Variants in NCK1 observed in about 807,000 individuals in gnomAD.
NCK1 encodes the protein SH2/SH3 adapter protein NCK1.
A neutral mutation model predicts 36.6 loss-of-function variants in NCK1; 19 were observed. The observed-to-expected ratio is 0.52, with a 90% CI of 0.36 to 0.76. The LOEUF is 0.76. Among genes scored for constraint, NCK1 ranks in the 30% least tolerant of loss-of-function variants. The pLI, the probability that NCK1 is intolerant of heterozygous loss-of-function variation, is 0.00. For missense variants in NCK1, 358 were observed against 445.6 expected (o/e 0.80, Z 1.77); for synonymous variants, 165 against 156.0 (o/e 1.06, Z -0.43).
At chr3:136,877,924 C>T (rs763191799) in intron 1 of NCK1, among the ~76,000 whole-genome samples, 46 of 152,162 alleles carry the variant, frequency 3.0e-4, no homozygotes, top group Non-Finnish European at 6.0e-4. Context: ...ACTCAGATGT[C>T]CATCAGCTGA....
chr3:136,868,107 G>A (rs1315718188), intron 1 of NCK1, among the ~76,000 whole-genome samples: 1 of 151,726 alleles, frequency 6.6e-6, no homozygotes, highest in Admixed American at 6.6e-5. Context: ...AGTAGAGATG[G>A]GTTTCACCAT....
chr3:136,930,560 A>C (rs893503068), intron 2 of NCK1: 4 of 1,476,180 alleles, frequency 2.7e-6, no homozygotes, highest in Non-Finnish European at 3.6e-6. Flanking sequence ...TTTTACTCAA[A>C]ATGGATTGGT....
intron 1 of NCK1, among the ~76,000 whole-genome samples, chr3:136,892,028 A>G (rs1343784439): frequency 1.3e-5 from 2 of 152,164 alleles, no homozygotes; most frequent in African/African-American, 4.8e-5. Flanking sequence ...AGCTAGGACT[A>G]TAGGTGCATG....
Position 136,950,602 on chromosome 3 carries a change from A to G in NCK1, c.*2149A>G, listed in dbSNP as rs73864644. Among the ~76,000 whole-genome samples, 1,292 of 152,246 alleles carry G rather than the reference A, an allele frequency of 8.5e-3. 22 individuals are homozygous for G. Among genetic ancestry groups the G allele is most frequent in the African/African-American group, 0.03 (1,246 of 41,554 alleles). ...GACTGTTTTTATAATACTTGAAGTAACTTTAAGAACTGAAACAACCCTGGA... is the reference window on the plus strand; with the variant it reads ...GACTGTTTTTATAATACTTGAAGTAGCTTTAAGAACTGAAACAACCCTGGA... On this transcript the variant is annotated 3_prime_UTR_variant, in exon 4 of 4. Transcript: ENST00000481752.
chr3:136,917,824 G>A (rs1464451071), intron 1 of NCK1, among the ~76,000 whole-genome samples: 2 of 152,134 alleles, frequency 1.3e-5, no homozygotes, highest in African/African-American at 2.4e-5. Context: ...CAGAACCTTC[G>A]CAATGGATGA....
intron 1 of NCK1, among the ~76,000 whole-genome samples, chr3:136,885,479 A>G (rs568816384): frequency 6.6e-6 from 1 of 151,922 alleles, no homozygotes; most frequent in Non-Finnish European, 1.5e-5. Flanking sequence ...TAATTTTTGA[A>G]TTTTTTGTAG....
intron 1 of NCK1, among the ~76,000 whole-genome samples, chr3:136,901,407 G>C (rs1576964226): frequency 6.6e-6 from 1 of 150,592 alleles, no homozygotes; most frequent in Non-Finnish European, 1.5e-5. Context: ...GTCTGGTTTT[G>C]GTGTTAAGGT....
chr3:136,894,139 C>T (rs551782821), intron 1 of NCK1, among the ~76,000 whole-genome samples: 2 of 152,300 alleles, frequency 1.3e-5, no homozygotes, highest in Admixed American at 1.3e-4. Context: ...CCTGCTCGTT[C>T]ATCAGTATGA....
chr3:136,879,646 G>A (rs1175862129), intron 1 of NCK1, among the ~76,000 whole-genome samples: 1 of 152,144 alleles, frequency 6.6e-6, no homozygotes, highest in Non-Finnish European at 1.5e-5. Flanking sequence ...TAAAGAAAAT[G>A]TGGCACATGT....
Position 136,913,413 on chromosome 3 carries a change from T to C in NCK1, c.-18-14571T>C, listed in dbSNP as rs142043199. Among the ~76,000 whole-genome samples, 995 of 151,874 alleles carry C rather than the reference T, an allele frequency of 6.6e-3. 16 individuals are homozygous for C. The highest frequency in any genetic ancestry group is 0.023 in the African/African-American group (967 of 41,418). On this transcript the variant is annotated intron_variant, in intron 1 of 3. Coordinates refer to ENST00000481752, the MANE Select transcript of NCK1 (RefSeq NM_001291999.2). ...CTTCCTGAGGAGCTGGGACTGCAAG[T>C]GTGCACCACTATGCCTGCCTAATGT... is the stretch of plus-strand genomic sequence containing the variant.
chr3:136,918,521 T>C (rs1419281697), intron 1 of NCK1, among the ~76,000 whole-genome samples: 2 of 152,192 alleles, frequency 1.3e-5, no homozygotes, highest in Non-Finnish European at 2.9e-5. Flanking sequence ...CTTGAGCATC[T>C]CTGGATTTTG....
chr3:136,864,968 T>G (rs1161803754), intron 1 of NCK1, among the ~76,000 whole-genome samples: 1 of 150,580 alleles, frequency 6.6e-6, no homozygotes, highest in African/African-American at 2.4e-5. Flanking sequence ...TTTGTTTGTT[T>G]TTTTTTTTGA....
At chr3:136,863,124 T>C (rs1362024933) in intron 1 of NCK1, among the ~76,000 whole-genome samples, 2 of 152,114 alleles carry the variant, frequency 1.3e-5, no homozygotes, top group Non-Finnish European at 2.9e-5. Context: ...GGTGTCAAAC[T>C]GATGGACCCG....
At chr3:136,890,646 A>G (rs1297248021) in intron 1 of NCK1, among the ~76,000 whole-genome samples, 3 of 152,220 alleles carry the variant, frequency 2.0e-5, no homozygotes, top group Non-Finnish European at 1.5e-5. Flanking sequence ...GTTTACAGGC[A>G]TTTGAGTTTT....
At chr3:136,935,141 T>C (rs968158633) in intron 2 of NCK1, among the ~76,000 whole-genome samples, 2 of 152,190 alleles carry the variant, frequency 1.3e-5, no homozygotes, top group Non-Finnish European at 2.9e-5. Context: ...CCTCAGGTGA[T>C]CTGCCTGCCT....
At position 136,947,430 on chromosome 3, in the gene NCK1, A is replaced by G. The variant is rs568945187; in HGVS notation, c.940-829A>G. On this transcript the variant is annotated intron_variant, in intron 3 of 3. Coordinates refer to ENST00000481752, the MANE Select transcript of NCK1 (RefSeq NM_001291999.2). ...AGATATTAGACAAAATGCAATATAT[A>G]CCATTATTTTTAGCAGTATACTTTT... Among the ~76,000 whole-genome samples the G allele has an allele frequency of 9.9e-5, 15 of 152,270 alleles. No homozygotes were observed. The East Asian group carries it at 2.9e-3, about 29-fold the overall frequency.
Position 136,948,262 on chromosome 3 carries a change from A to G in NCK1, c.943A>G (p.Asn315Asp), listed in dbSNP as rs769014288. Reference protein sequence around the residue: ...FLIRDSESSPNDFSVSLKAQG... With the variant: ...FLIRDSESSPDDFSVSLKAQG... ...GTATCTTTTTTTTCTCTTTTAGCCA[A>G]ATGATTTCTCAGTATCACTAAAAGC... The change falls in exon 4 of 4, where the codon AAT becomes GAT. Residue 315 changes from asparagine to aspartate, a missense_variant. By Grantham distance (23) the Asn-to-Asp change is conservative. Transcript: ENST00000481752. 5.3e-5 allele frequency: 84 copies of G among 1,585,344 alleles called. 1 individual carries two copies. Among genetic ancestry groups the G allele is most frequent in the Middle Eastern group, 5.0e-4 (3 of 5,942 alleles).
At chr3:136,911,645 A>G (rs889152436) in intron 1 of NCK1, among the ~76,000 whole-genome samples, 3 of 152,108 alleles carry the variant, frequency 2.0e-5, no homozygotes, top group African/African-American at 7.2e-5. Context: ...ACCCCTTATC[A>G]GTTGTATGGT....
At chr3:136,935,907 A>C (rs1026751190) in intron 2 of NCK1, among the ~76,000 whole-genome samples, 2 of 152,122 alleles carry the variant, frequency 1.3e-5, no homozygotes, top group African/African-American at 4.8e-5. Flanking sequence ...CCTATTCTGG[A>C]TAATTTATAT....
Sources: gnomAD v4.1 joint callset for allele counts (sites outside exome capture counted in the v4.1 genomes callset) on GRCh38, gnomAD v4.1.1 for gene constraint, MANE v1.5 for transcripts, NCBI Gene and HGNC (gene_info 2026-07-23, HGNC 2026-07-21) for gene names.